The following PTPRT variants were observed in gnomAD, a reference collection of about 807,000 sequenced individuals.
PTPRT encodes the protein protein tyrosine phosphatase receptor type T, also known as receptor-type tyrosine-protein phosphatase T.
PTPRT carries 56 observed loss-of-function variants against 176.8 expected under a neutral mutation model. The observed-to-expected ratio is 0.32, with a 90% CI of 0.26 to 0.40. PTPRT has a LOEUF of 0.40. PTPRT is among the 10% of genes least tolerant of loss of function. The probability of loss-of-function intolerance (pLI) is 1.00; values close to 1 mark genes in which losing one functional copy is unlikely to be tolerated. For missense variants in PTPRT, 1,540 were observed against 1,908.2 expected, an observed-to-expected ratio of 0.81 and a Z score of 3.60; for synonymous variants, 783 against 739.0, an observed-to-expected ratio of 1.06 and a Z score of -0.96.
chr20:43,156,681 G>A (rs1466087028), intron 1 of PTPRT, among the ~76,000 whole-genome samples: 1 of 152,128 alleles, frequency 6.6e-6, no homozygotes, highest in African/African-American at 2.4e-5. Context: ...TTGGATGGAG[G>A]AGGGAGGATT....
At chr20:42,329,551 G>A (rs1041271531) in intron 11 of PTPRT, among the ~76,000 whole-genome samples, 10 of 151,226 alleles carry the variant, frequency 6.6e-5, no homozygotes, top group African/African-American at 2.2e-4. Flanking sequence ...CAGTAAGACT[G>A]GAAGGAGTAT....
At chr20:42,942,357 A>T (rs912586983) in intron 1 of PTPRT, among the ~76,000 whole-genome samples, 1 of 152,220 alleles carries the variant, frequency 6.6e-6, no homozygotes, top group African/African-American at 2.4e-5. Context: ...CAAACAAATG[A>T]CACAAGTGTG....
At chr20:42,766,059 C>T (rs2076978534) in intron 5 of PTPRT, among the ~76,000 whole-genome samples, 3 of 152,198 alleles carry the variant, frequency 2.0e-5, no homozygotes, top group South Asian at 4.1e-4. Flanking sequence ...AAGATGTACA[C>T]ATTTATATTT....
chr20:42,350,653 C>A lies in PTPRT; in HGVS notation c.1840G>T (p.Ala614Ser). 6.2e-7 allele frequency: 1 copy of A among 1,612,736 alleles called. No homozygotes were observed. The change falls in exon 11 of 31, where the codon GCT becomes TCT. Residue 614 changes from alanine (A) to serine (S), a missense_variant. Physicochemically the swap from Ala to Ser is moderately conservative, Grantham distance 99. Around this residue, in one of 11 missense-constraint regions of PTPRT, gnomAD observed 81 missense variants for 89.9 expected, o/e 0.90. Coordinates refer to ENST00000373187, the MANE Select transcript of PTPRT (RefSeq NM_007050.6). Reference protein sequence around the residue: ...DTTITVMLKPAQSRGAPVSVY... With the variant: ...DTTITVMLKPSQSRGAPVSVY... ...CTGACAGGAGCTCCCCGGGACTGAGCGGGTTTCAGCATCACTGTGATGGTC... is the reference window on the plus strand; with the variant it reads ...CTGACAGGAGCTCCCCGGGACTGAGAGGGTTTCAGCATCACTGTGATGGTC...
At chr20:42,605,804 G>T (rs547032771) in intron 7 of PTPRT, among the ~76,000 whole-genome samples, 1 of 152,308 alleles carries the variant, frequency 6.6e-6, no homozygotes, top group African/African-American at 2.4e-5. Flanking sequence ...ACCGATTAGA[G>T]GGTCACAGGT....
chr20:42,394,925 T>C (rs1308774732), intron 9 of PTPRT, among the ~76,000 whole-genome samples: 2 of 152,182 alleles, frequency 1.3e-5, no homozygotes, highest in Non-Finnish European at 2.9e-5. Context: ...TATTGAGAAA[T>C]GTTCAAAATG....
intron 29 of PTPRT, among the ~76,000 whole-genome samples, chr20:42,084,015 G>T (rs544436347): frequency 6.6e-6 from 1 of 152,340 alleles, no homozygotes; most frequent in East Asian, 1.9e-4. Flanking sequence ...GGCAGATAAA[G>T]TGTGTTCACT....
Position 42,705,741 on chromosome 20 carries a change from T to C in PTPRT, c.860-27582A>G, listed in dbSNP as rs906933304. 1.1e-4 allele frequency among the ~76,000 whole-genome samples: 16 copies of C among 152,176 alleles called. 1 individual carries two copies. Among genetic ancestry groups the C allele is most frequent in the African/African-American group, 3.6e-4 (15 of 41,422 alleles). On this transcript the variant is annotated intron_variant, in intron 6 of 30. Transcript: ENST00000373187. The stretch of plus-strand genomic sequence containing the variant: ...CAGTCCTCATGGCAACCTTGGCTTC[T>C]ATTGTGGCTTCTCATTTCTGTTATG...
intron 27 of PTPRT, among the ~76,000 whole-genome samples, chr20:42,089,491 TAAG>T (rs1386506244): frequency 6.6e-6 from 1 of 152,216 alleles, no homozygotes; most frequent in African/African-American, 2.4e-5. Context: ...TCTCTTTTAA[TAAG>T]ATTTCCAGAC....
At chr20:42,523,469 A>T (rs2072213296) in intron 7 of PTPRT, among the ~76,000 whole-genome samples, 2 of 152,314 alleles carry the variant, frequency 1.3e-5, no homozygotes, top group South Asian at 4.1e-4. Flanking sequence ...ATTTATAGGG[A>T]TAACTTGCCT....
In PTPRT at chr20:42,102,162, C is replaced by T. The variant is rs747513450; in HGVS notation, c.3676G>A (p.Gly1226Arg). Residue 1226 changes from glycine (G) to arginine (R), a missense_variant, in exon 26 of 31, where the codon GGA becomes AGA. Gly to Arg is a moderately radical substitution (Grantham distance 125). Coordinates refer to ENST00000373187, the MANE Select transcript of PTPRT (RefSeq NM_007050.6). ...RCLPFLISVD[G>R]ESSNYINAAL... Reference sequence around the variant, plus strand: ...GCGTTGATGTAATTGCTGGATTCTCCGTCCACTGAGATAAGGAAGGGCAGG... The same window carrying T: ...GCGTTGATGTAATTGCTGGATTCTCTGTCCACTGAGATAAGGAAGGGCAGG... The T allele has an allele frequency of 9.9e-6, 16 of 1,614,004 alleles. No individual in the cohort carries two copies. Among genetic ancestry groups the T allele is most frequent in the South Asian group, 3.3e-5 (3 of 91,080 alleles).
chr20:42,323,726 C>T (rs1469274893), intron 11 of PTPRT, among the ~76,000 whole-genome samples: 1 of 151,814 alleles, frequency 6.6e-6, no homozygotes, highest in African/African-American at 2.4e-5. Context: ...CTAACCTGCA[C>T]ATTGTGTACA....
intron 7 of PTPRT, among the ~76,000 whole-genome samples, chr20:42,516,525 T>A (rs1375878392): frequency 6.6e-6 from 1 of 152,196 alleles, no homozygotes; most frequent in African/African-American, 2.4e-5. Context: ...ATGACTAGAC[T>A]ATAACTTATG....
chr20:43,120,600 T>C (rs1466456435), intron 1 of PTPRT, among the ~76,000 whole-genome samples: 1 of 152,202 alleles, frequency 6.6e-6, no homozygotes, highest in Non-Finnish European at 1.5e-5. Context: ...AACATTGTTA[T>C]CTTGGAAATT....
At chr20:42,032,194 C>T in the PTPRT span, among the ~76,000 whole-genome samples, 1 of 151,632 alleles carries the variant, frequency 6.6e-6, no homozygotes, top group Non-Finnish European at 1.5e-5. Context: ...GACATGGGCT[C>T]AAAAGAGAAA....
At chr20:42,785,306 T>C (rs2077272830) in intron 3 of PTPRT, among the ~76,000 whole-genome samples, 1 of 152,208 alleles carries the variant, frequency 6.6e-6, no homozygotes, top group Admixed American at 6.5e-5. Context: ...ATTACAGAGC[T>C]AAAAGTCAAT....
At chr20:43,108,732 T>G (rs77677073) in intron 1 of PTPRT, among the ~76,000 whole-genome samples, 3,691 of 152,166 alleles carry the variant, frequency 0.024, 51 homozygotes, top group East Asian at 0.05. Flanking sequence ...GGAGGATGTA[T>G]TTGAAGCCAA....
At chr20:42,108,017 G>T (rs1191938292) in intron 23 of PTPRT, among the ~76,000 whole-genome samples, 1 of 151,628 alleles carries the variant, frequency 6.6e-6, no homozygotes, top group Admixed American at 6.6e-5. Flanking sequence ...AAGAGACTTG[G>T]CCTCTGTGTC....
At chr20:42,363,292 ATATATATATTTTTTTT>A (rs1239628084) in intron 9 of PTPRT, among the ~76,000 whole-genome samples, 17 of 25,456 alleles carry the variant, frequency 6.7e-4, no homozygotes, top group African/African-American at 3.0e-3. Context: ...ATATATATAT[ATATATATATTTTTTTT>A]TTTTTTTTTT....
Sources: gnomAD v4.1 joint callset for allele counts (sites outside exome capture counted in the v4.1 genomes callset) on GRCh38, gnomAD v4.1.1 for gene constraint, gnomAD v4.1.1 regional missense constraint, MANE v1.5 for transcripts, NCBI Gene and HGNC (gene_info 2026-07-23, HGNC 2026-07-21) for gene names.